HS6ST3: variants seen among roughly 807,000 people sequenced by gnomAD.
The protein encoded by HS6ST3 is heparan-sulfate 6-O-sulfotransferase 3.
In HS6ST3, 12 loss-of-function variants were observed where a neutral mutation model predicts 36.7. The observed-to-expected ratio is 0.33, with a 90% CI of 0.21 to 0.53. The LOEUF is 0.53. Ranked by LOEUF, HS6ST3 falls within the 20% of genes least tolerant of loss-of-function variation. The pLI is 0.95. For synonymous variants in HS6ST3, 240 were observed against 257.5 expected (o/e 0.93, Z 0.65); for missense variants, 584 against 640.9 (o/e 0.91, Z 0.96).
At chr13:96,508,295 CTTTA>C (rs1363856867) in intron 1 of HS6ST3, among the ~76,000 whole-genome samples, 1 of 151,594 alleles carries the variant, frequency 6.6e-6, no homozygotes, top group Non-Finnish European at 1.5e-5. Flanking sequence ...TTTTTTTTGC[CTTTA>C]TTTATTCCAT....
chr13:96,414,682 A>G (rs143671046), intron 1 of HS6ST3, among the ~76,000 whole-genome samples: 1 of 152,228 alleles, frequency 6.6e-6, no homozygotes, highest in Non-Finnish European at 1.5e-5. Context: ...GAGTTTTACC[A>G]TGTTGGCCAG....
At chr13:96,750,085 T>C (rs762684784) in intron 1 of HS6ST3, among the ~76,000 whole-genome samples, 9 of 152,254 alleles carry the variant, frequency 5.9e-5, no homozygotes, top group South Asian at 2.1e-4. Flanking sequence ...ATGTTATCAG[T>C]TTAACAAGAA....
rs1428484543 is a variant in HS6ST3 at position 96,832,431 on chromosome 13, T to C, written c.708-59T>C. ...CAATGCCGATGTAAAATTATAAAAA[T>C]TTAGATACCTCCTGTTAGAGTTGTC... is the stretch of plus-strand genomic sequence containing the variant. On this transcript the variant is annotated intron_variant, in intron 1 of 1. Transcript: ENST00000376705. The C allele has an allele frequency of 2.3e-6, 3 of 1,289,588 alleles. No individual in the cohort carries two copies. In the African/African-American group the frequency reaches 4.5e-5, roughly 19 times the overall value. 79.9% of individuals were successfully genotyped at this position (1,289,588 alleles called of 1,614,324 possible). A position where few individuals can be genotyped will look rare whatever the true frequency, so the allele number is the denominator to read the frequency against.
intron 1 of HS6ST3, among the ~76,000 whole-genome samples, chr13:96,616,408 G>A (rs1201265830): frequency 1.3e-5 from 2 of 152,116 alleles, no homozygotes; most frequent in East Asian, 3.8e-4. Flanking sequence ...CTGGAAATCT[G>A]TGTTCCTATT....
At chr13:96,468,477 TACACACACAC>T (rs3051066) in intron 1 of HS6ST3, among the ~76,000 whole-genome samples, 9,085 of 126,120 alleles carry the variant, frequency 0.072, 604 homozygotes, top group African/African-American at 0.17. Context: ...CATACACACA[TACACACACAC>T]ACACACACAC....
chr13:96,626,068 T>G (rs1046167668), intron 1 of HS6ST3, among the ~76,000 whole-genome samples: 1 of 151,952 alleles, frequency 6.6e-6, no homozygotes, highest in Non-Finnish European at 1.5e-5. Context: ...GGTCTCGATC[T>G]CGTGACCTCG....
intron 1 of HS6ST3, among the ~76,000 whole-genome samples, chr13:96,117,339 TAAC>T (rs2053898568): frequency 1.3e-5 from 2 of 152,054 alleles, no homozygotes; most frequent in South Asian, 4.1e-4. Flanking sequence ...AGCAGAAGAA[TAAC>T]AAAAATCATA....
chr13:96,328,254 G>A (rs1172419274), intron 1 of HS6ST3, among the ~76,000 whole-genome samples: 1 of 148,200 alleles, frequency 6.7e-6, no homozygotes, highest in Admixed American at 6.7e-5. Context: ...TCCCTGTCTT[G>A]TGCCAGTTTT....
intron 1 of HS6ST3, among the ~76,000 whole-genome samples, chr13:96,403,106 A>G (rs561703196): frequency 8.5e-5 from 13 of 152,302 alleles, no homozygotes; most frequent in East Asian, 3.9e-4. Flanking sequence ...AGAGGATCTC[A>G]TCATAGCTTT....
chr13:96,381,104 T>C (rs2055338278), intron 1 of HS6ST3, among the ~76,000 whole-genome samples: 1 of 152,164 alleles, frequency 6.6e-6, no homozygotes. Context: ...TAATAAAAAT[T>C]ATGACTGCAC....
At chr13:96,104,869 C>G (rs2053834001) in intron 1 of HS6ST3, among the ~76,000 whole-genome samples, 1 of 152,076 alleles carries the variant, frequency 6.6e-6, no homozygotes, top group South Asian at 2.1e-4. Context: ...TTCCAGGGAT[C>G]TCCCAGGGAG....
chr13:96,659,945 A>T (rs2056640681), intron 1 of HS6ST3, among the ~76,000 whole-genome samples: 1 of 152,170 alleles, frequency 6.6e-6, no homozygotes, highest in Non-Finnish European at 1.5e-5. Flanking sequence ...TCATGACAAT[A>T]AACATTCAAC....
intron 1 of HS6ST3, among the ~76,000 whole-genome samples, chr13:96,331,346 A>T (rs2055066048): frequency 1.3e-5 from 2 of 151,600 alleles, no homozygotes; most frequent in African/African-American, 4.8e-5. Context: ...GGTGATGTAC[A>T]GATGGGTTTT....
At chr13:96,779,781 A>C (rs1877479479) in intron 1 of HS6ST3, among the ~76,000 whole-genome samples, 1 of 151,754 alleles carries the variant, frequency 6.6e-6, no homozygotes, top group East Asian at 1.9e-4. Flanking sequence ...AAAAAAAAAA[A>C]AAAAACATTG....
intron 1 of HS6ST3, among the ~76,000 whole-genome samples, chr13:96,256,629 G>T (rs965312513): frequency 1.3e-4 from 20 of 152,118 alleles, no homozygotes; most frequent in African/African-American, 4.6e-4. Context: ...TAGTTAATAA[G>T]TATTTTTTAT....
intron 1 of HS6ST3, among the ~76,000 whole-genome samples, chr13:96,623,374 G>A (rs2056501562): frequency 6.6e-6 from 1 of 151,890 alleles, no homozygotes. Flanking sequence ...TTTTTCAGAG[G>A]ATTAGGCTTT....
chr13:96,238,166 G>A (rs1346163516), intron 1 of HS6ST3, among the ~76,000 whole-genome samples: 1 of 151,946 alleles, frequency 6.6e-6, no homozygotes, highest in East Asian at 1.9e-4. Flanking sequence ...AAGAACTCTG[G>A]GGGGTCATCC....
At chr13:96,801,363 T>C (rs1195756958) in intron 1 of HS6ST3, among the ~76,000 whole-genome samples, 1 of 152,148 alleles carries the variant, frequency 6.6e-6, no homozygotes, top group East Asian at 1.9e-4. Flanking sequence ...GGATTAGGTA[T>C]TTTAAAAAGG....
At chr13:96,373,746 CT>C (rs1022188203) in intron 1 of HS6ST3, among the ~76,000 whole-genome samples, 7 of 152,128 alleles carry the variant, frequency 4.6e-5, no homozygotes, top group African/African-American at 1.7e-4. Flanking sequence ...ATCATGGCTG[CT>C]CTCATCAATT....
Sources: gnomAD v4.1 joint callset for allele counts (sites outside exome capture counted in the v4.1 genomes callset) on GRCh38, gnomAD v4.1.1 for gene constraint, MANE v1.5 for transcripts, NCBI Gene and HGNC (gene_info 2026-07-23, HGNC 2026-07-21) for gene names.